PCDHGA9: variants seen among roughly 807,000 people sequenced by gnomAD.
The protein encoded by PCDHGA9 is protocadherin gamma-A9.
PCDHGA9 carries 37 observed loss-of-function variants against 62.5 expected under a neutral mutation model. The ratio of observed to expected loss-of-function variants is 0.59; its 90% confidence interval spans 0.46 to 0.78. The LOEUF (loss-of-function observed/expected upper bound fraction) is 0.78, where lower values mean the gene tolerates loss of function less well. PCDHGA9 is among the 30% of genes least tolerant of loss of function. The probability of loss-of-function intolerance (pLI) is 0.00; values close to 1 mark genes in which losing one functional copy is unlikely to be tolerated. For synonymous variants in PCDHGA9, 459 were observed against 484.6 expected, an observed-to-expected ratio of 0.95 and a Z score of 0.69; for missense variants, 1,138 against 1,166.2, an observed-to-expected ratio of 0.98 and a Z score of 0.35.
chr5:141,449,078 C>T (rs1342751417), intron 1 of PCDHGA9, among the ~76,000 whole-genome samples: 1 of 152,052 alleles, frequency 6.6e-6, no homozygotes, highest in Non-Finnish European at 1.5e-5. Flanking sequence ...AGCCCTGTAC[C>T]TACATCAGTT....
At chr5:141,423,448 T>A (rs780751840) in intron 1 of PCDHGA9, 1 of 1,613,992 alleles carries the variant, frequency 6.2e-7, no homozygotes, top group East Asian at 2.2e-5. Context: ...CACGTCACAT[T>A]TTGTAGGCGT....
chr5:141,455,541 A>G (rs2098825752), intron 1 of PCDHGA9, among the ~76,000 whole-genome samples: 1 of 152,134 alleles, frequency 6.6e-6, no homozygotes, highest in African/African-American at 2.4e-5. Context: ...CATATCATTC[A>G]CGTAGCCCGA....
At position 141,511,246 on chromosome 5, in the gene PCDHGA9, G is replaced by A; in HGVS notation, c.*73G>A. 2 of 1,578,734 alleles carry A rather than the reference G, an allele frequency of 1.3e-6. No homozygotes were observed. Among genetic ancestry groups the A allele is most frequent in the Non-Finnish European group, 1.7e-6 (2 of 1,162,472 alleles). On this transcript the variant is annotated 3_prime_UTR_variant, in exon 4 of 4. Coordinates refer to ENST00000573521, the MANE Select transcript of PCDHGA9 (RefSeq NM_018921.3). The stretch of plus-strand genomic sequence containing the variant: ...CCAGCTTCTCCTTACCTGCACCCAG[G>A]CCTCAGAGTTTCAGGGCTAACCCCC...
chr5:141,503,825 CA>C (rs2154593417), intron 2 of PCDHGA9, among the ~76,000 whole-genome samples: 1 of 152,186 alleles, frequency 6.6e-6, no homozygotes, highest in Non-Finnish European at 1.5e-5. Flanking sequence ...TGGGCAAAAC[CA>C]AAAGCAGGGA....
Position 141,403,634 on chromosome 5 carries a change from A to C in PCDHGA9, c.682A>C (p.Ile228Leu). ...GEPRRSSTVR[I>L]HVTVLDTNDN... ...GCCGCGTCGCTCCAGCACAGTGCGCATCCATGTGACAGTGTTGGATACAAA... is the reference window on the plus strand; with the variant it reads ...GCCGCGTCGCTCCAGCACAGTGCGCCTCCATGTGACAGTGTTGGATACAAA... Residue 228 changes from isoleucine (I) to leucine (L), a missense_variant, in exon 1 of 4, where the codon ATC becomes CTC. Transcript: ENST00000573521. The C allele has an allele frequency of 6.2e-7, 1 of 1,613,920 alleles. No homozygotes were observed. The highest frequency in any genetic ancestry group is 8.5e-7 in the Non-Finnish European group (1 of 1,179,896).
At chr5:141,481,472 A>G (rs2099538174) in intron 1 of PCDHGA9, among the ~76,000 whole-genome samples, 1 of 152,246 alleles carries the variant, frequency 6.6e-6, no homozygotes, top group Non-Finnish European at 1.5e-5. Context: ...CCATTGGATT[A>G]TACACTTTAA....
chr5:141,480,217 G>A (rs1443825272), intron 1 of PCDHGA9, among the ~76,000 whole-genome samples: 2 of 147,950 alleles, frequency 1.4e-5, no homozygotes, highest in Non-Finnish European at 3.0e-5. Context: ...CAGCCTGAGC[G>A]ACATAGTGAG....
At position 141,489,577 on chromosome 5, in the gene PCDHGA9, C is replaced by A. The variant is rs918238376; in HGVS notation, c.2425-5230C>A. The stretch of plus-strand genomic sequence containing the variant: ...GCCAGTGCAGGTGGTGACTGAACAC[C>A]CCCTGGAGCTAATCCGTGTAGAGGT... On this transcript the variant is annotated intron_variant, in intron 1 of 3. Coordinates refer to ENST00000573521, the MANE Select transcript of PCDHGA9 (RefSeq NM_018921.3). This position sits in a 1 kb window ranked among gnomAD's most constrained non-coding sequence, Gnocchi z 4.5. The A allele has an allele frequency of 6.2e-7, 1 of 1,613,894 alleles. No individual in the cohort carries two copies. The highest frequency in any genetic ancestry group is 8.5e-7 in the Non-Finnish European group (1 of 1,180,000).
At chr5:141,405,505 C>A in intron 1 of PCDHGA9, 129 bp downstream of exon 1, 2 of 751,126 alleles carry the variant, frequency 2.7e-6, no homozygotes, top group Non-Finnish European at 4.2e-6. Context: ...TTGCAACCTC[C>A]GCCTCCCAAA....
intron 1 of PCDHGA9, chr5:141,441,792 G>T: frequency 2.6e-6 from 1 of 389,292 alleles, no homozygotes; most frequent in Non-Finnish European, 5.1e-6. Context: ...GAATGACAAC[G>T]CACCGCGGGT....
intron 1 of PCDHGA9, among the ~76,000 whole-genome samples, chr5:141,474,248 A>G (rs2099346089): frequency 6.6e-6 from 1 of 152,220 alleles, no homozygotes; most frequent in African/African-American, 2.4e-5. Context: ...TAGGGGAAAA[A>G]AAGACTGATA....
At position 141,491,423 on chromosome 5, in the gene PCDHGA9, G is replaced by A; in HGVS notation, c.2425-3384G>A. The A allele has an allele frequency of 3.1e-6, 5 of 1,614,126 alleles. No homozygotes were observed. Among genetic ancestry groups the A allele is most frequent in the Non-Finnish European group, 4.2e-6 (5 of 1,180,036 alleles). ...AACGCAGACGGGGACGGGGGTGGAGGGCAGTGCTGCAGGCGCCAGGACTCA... is the reference window on the plus strand; with the variant it reads ...AACGCAGACGGGGACGGGGGTGGAGAGCAGTGCTGCAGGCGCCAGGACTCA... On this transcript the variant is annotated intron_variant, in intron 1 of 3. Transcript: ENST00000573521. The surrounding 1 kb of genome is among the most constrained non-coding windows in gnomAD (Gnocchi z 6.9).
chr5:141,413,570 A>G, intron 1 of PCDHGA9: 1 of 1,613,930 alleles, frequency 6.2e-7, no homozygotes, highest in Non-Finnish European at 8.5e-7. Context: ...GATATCAATG[A>G]CAATGCTCCA....
chr5:141,492,962 C>T (rs1197532146), intron 1 of PCDHGA9, among the ~76,000 whole-genome samples: 2 of 152,258 alleles, frequency 1.3e-5, no homozygotes, highest in Non-Finnish European at 2.9e-5. Context: ...CTATCTGACA[C>T]TCTAACAAGT....
chr5:141,461,830 CT>C (rs1030113508), intron 1 of PCDHGA9, among the ~76,000 whole-genome samples: 30 of 145,198 alleles, frequency 2.1e-4, no homozygotes, highest in Non-Finnish European at 2.4e-4. Flanking sequence ...ATTTTTTTTT[CT>C]TTTTTTTTTG....
At position 141,494,833 on chromosome 5, in the gene PCDHGA9, T is replaced by C. The variant is rs537340090; in HGVS notation, c.2451T>C (p.Arg817=). 1 of 1,614,094 alleles carries C rather than the reference T, an allele frequency of 6.2e-7. No homozygotes were observed. The highest frequency in any genetic ancestry group is 1.7e-5 in the Admixed American group (1 of 60,014). Residue 817 remains arginine, a synonymous_variant, in exon 2 of 4, where the codon CGT becomes CGC. Coordinates refer to ENST00000573521, the MANE Select transcript of PCDHGA9 (RefSeq NM_018921.3). ...VPQAPPNTDW[R]FSQAQRPGTS... Reference sequence around the variant, plus strand: ...AAGCCCCGCCCAACACGGACTGGCGTTTCTCTCAGGCCCAGAGACCCGGCA... The same window carrying C: ...AAGCCCCGCCCAACACGGACTGGCGCTTCTCTCAGGCCCAGAGACCCGGCA...
chr5:141,421,924 G>A, intron 1 of PCDHGA9: 1 of 1,613,564 alleles, frequency 6.2e-7, no homozygotes, highest in South Asian at 1.1e-5. Context: ...TCGTGTGGTG[G>A]TCCTCGATGT....
chr5:141,408,924 T>G, intron 1 of PCDHGA9: 1 of 1,612,706 alleles, frequency 6.2e-7, no homozygotes. Flanking sequence ...AACCCCCCGG[T>G]TTTCAGCAGA....
Position 141,489,424 on chromosome 5 carries a change from C to T in PCDHGA9, c.2425-5383C>T, listed in dbSNP as rs758049228. The T allele has an allele frequency of 5.0e-5, 80 of 1,613,958 alleles. No homozygotes were observed. In the Admixed American group the frequency reaches 1.1e-3, roughly 23 times the overall value. On this transcript the variant is annotated intron_variant, in intron 1 of 3. Coordinates refer to ENST00000573521, the MANE Select transcript of PCDHGA9 (RefSeq NM_018921.3). The surrounding 1 kb of genome is among the most constrained non-coding windows in gnomAD (Gnocchi z 4.5). ...CTTAAAGATGACAGATCTGTTGAGC[C>T]GGCGGCTGCAATTGGGCTCTGAGGA...
Sources: gnomAD v4.1 joint callset for allele counts (sites outside exome capture counted in the v4.1 genomes callset) on GRCh38, gnomAD v4.1.1 for gene constraint, Gnocchi (gnomAD v3.1) non-coding constraint, MANE v1.5 for transcripts, NCBI Gene and HGNC (gene_info 2026-07-23, HGNC 2026-07-21) for gene names.